Variants in ESRRG observed in about 807,000 individuals in gnomAD.
ESRRG encodes estrogen-related receptor gamma.
A neutral mutation model predicts 44.0 loss-of-function variants in ESRRG; 13 were observed. The observed-to-expected ratio is 0.30, with a 90% CI of 0.19 to 0.47. ESRRG has a LOEUF of 0.47. Among genes scored for constraint, ESRRG ranks in the 20% least tolerant of loss-of-function variants. ESRRG has a pLI of 1.00. For missense variants in ESRRG, 395 were observed against 580.6 expected (o/e 0.68, Z 3.29); for synonymous variants, 215 against 214.6 (o/e 1.00, Z -0.02).
chr1:217,058,428 A>T (rs1318127526), intron 1 of ESRRG, among the ~76,000 whole-genome samples: 2 of 152,138 alleles, frequency 1.3e-5, no homozygotes, highest in South Asian at 4.1e-4. Context: ...TGAGCTTCCG[A>T]TGATCAAAAT....
intron 1 of ESRRG, among the ~76,000 whole-genome samples, chr1:217,099,741 A>C (rs917634229): frequency 1.3e-5 from 2 of 152,164 alleles, no homozygotes; most frequent in African/African-American, 2.4e-5. Flanking sequence ...GATCCTCCCC[A>C]CAATTGTACA....
chr1:216,876,986 G>A (rs2096365569), intron 2 of ESRRG, among the ~76,000 whole-genome samples: 1 of 151,370 alleles, frequency 6.6e-6, no homozygotes, highest in South Asian at 2.1e-4. Flanking sequence ...ATGTGTGTGT[G>A]TGTGTGTGTG....
chr1:216,975,468 C>A (rs1463019985), intron 1 of ESRRG, among the ~76,000 whole-genome samples: 2 of 152,224 alleles, frequency 1.3e-5, no homozygotes, highest in Non-Finnish European at 2.9e-5. Context: ...GCCATAAATT[C>A]TTCTATCATG....
At chr1:216,518,331 A>T (rs1036175541) in intron 6 of ESRRG, among the ~76,000 whole-genome samples, 1 of 152,122 alleles carries the variant, frequency 6.6e-6, no homozygotes, top group East Asian at 1.9e-4. Flanking sequence ...TAAAGGGAAA[A>T]CTACTGGCCG....
intron 2 of ESRRG, among the ~76,000 whole-genome samples, chr1:216,933,381 C>T (rs2063646584): frequency 6.6e-6 from 1 of 152,074 alleles, no homozygotes; most frequent in Middle Eastern, 3.2e-3. Context: ...TCTAGCCCCA[C>T]CTCTATTCCC....
chr1:217,116,937 G>A (rs910657027), intron 1 of ESRRG, among the ~76,000 whole-genome samples: 2 of 152,152 alleles, frequency 1.3e-5, no homozygotes, highest in African/African-American at 4.8e-5. Context: ...AAATCAGTCA[G>A]CCTCATTAAG....
At position 217,088,817 on chromosome 1, in the gene ESRRG, C is replaced by G. The variant is rs574571863; in HGVS notation, c.-106+690G>C. 2.6e-4 allele frequency among the ~76,000 whole-genome samples: 40 copies of G among 152,072 alleles called. No individual in the cohort carries two copies. The East Asian group carries it at 7.0e-3, about 27-fold the overall frequency. ...GTGTCTTTCTGTCTCTGAGACTCTCCCATCACCAAACAAGGGGTGCAGGGG... is the reference window on the plus strand; with the variant it reads ...GTGTCTTTCTGTCTCTGAGACTCTCGCATCACCAAACAAGGGGTGCAGGGG... On this transcript the variant is annotated intron_variant, in intron 1 of 7. Transcript: ENST00000359162.
chr1:217,041,991 T>C (rs2083938460), intron 1 of ESRRG, among the ~76,000 whole-genome samples: 1 of 152,218 alleles, frequency 6.6e-6, no homozygotes, highest in Admixed American at 6.5e-5. Flanking sequence ...ATGAGTACCA[T>C]GTGAGGGCTC....
intron 1 of ESRRG, among the ~76,000 whole-genome samples, chr1:217,132,619 T>C (rs1172460728): frequency 2.0e-5 from 3 of 152,100 alleles, no homozygotes; most frequent in African/African-American, 7.2e-5. Flanking sequence ...CTTATAACCA[T>C]GATCTAAGGT....
chr1:217,005,345 A>T (rs897994781), intron 1 of ESRRG, among the ~76,000 whole-genome samples: 1 of 152,194 alleles, frequency 6.6e-6, no homozygotes, highest in Non-Finnish European at 1.5e-5. Context: ...AGTAAATTAC[A>T]TATTAAAACA....
At chr1:217,065,954 A>C (rs2089585206) in intron 1 of ESRRG, among the ~76,000 whole-genome samples, 3 of 152,128 alleles carry the variant, frequency 2.0e-5, no homozygotes, top group African/African-American at 7.2e-5. Flanking sequence ...TTCTATCAGG[A>C]GCTCACCATA....
intron 2 of ESRRG, among the ~76,000 whole-genome samples, chr1:216,824,789 G>A (rs2095362156): frequency 1.3e-5 from 2 of 152,196 alleles, no homozygotes; most frequent in South Asian, 4.1e-4. Flanking sequence ...TACCAAACTA[G>A]TGTCTTATTA....
At chr1:216,876,976 A>ATG (rs61039286) in intron 2 of ESRRG, among the ~76,000 whole-genome samples, 41,585 of 145,184 alleles carry the variant, frequency 0.29, 6,057 homozygotes, top group East Asian at 0.46. Flanking sequence ...CTCTTCACTA[A>ATG]TGTGTGTGTG....
intron 3 of ESRRG, among the ~76,000 whole-genome samples, chr1:216,578,355 A>C (rs1261600582): frequency 6.6e-6 from 1 of 152,084 alleles, no homozygotes. Flanking sequence ...TGTGTAAAAG[A>C]AGCCCCAAAT....
chr1:217,089,153 A>G (rs1250960377), intron 1 of ESRRG, among the ~76,000 whole-genome samples: 1 of 151,884 alleles, frequency 6.6e-6, no homozygotes, highest in African/African-American at 2.4e-5. Flanking sequence ...CCAGCGCCCT[A>G]ACTCTGCCCT....
At chr1:216,928,057 A>G (rs1046041646) in intron 2 of ESRRG, among the ~76,000 whole-genome samples, 31 of 152,206 alleles carry the variant, frequency 2.0e-4, no homozygotes, top group African/African-American at 7.5e-4. Context: ...TAGTCTAGTT[A>G]AAAAGAAGAA....
intron 1 of ESRRG, among the ~76,000 whole-genome samples, chr1:217,127,234 T>C (rs2092904167): frequency 1.3e-5 from 2 of 152,244 alleles, no homozygotes; most frequent in Non-Finnish European, 2.9e-5. Flanking sequence ...TGTGCCACAA[T>C]GTTCATTTTC....
intron 2 of ESRRG, among the ~76,000 whole-genome samples, chr1:216,729,149 G>C (rs1006993902): frequency 6.6e-6 from 1 of 152,148 alleles, no homozygotes; most frequent in East Asian, 1.9e-4. Context: ...TATAGAATTC[G>C]TATGGGGATT....
chr1:216,797,189 C>T (rs2094494214), intron 2 of ESRRG, among the ~76,000 whole-genome samples: 2 of 152,166 alleles, frequency 1.3e-5, no homozygotes, highest in Non-Finnish European at 2.9e-5. Flanking sequence ...CGTGCGCGGC[C>T]TCCTATTGTT....
Sources: allele counts gnomAD v4.1 joint callset (sites outside exome capture counted in the v4.1 genomes callset), GRCh38; gene constraint gnomAD v4.1.1; transcripts MANE v1.5; gene names NCBI Gene and HGNC (gene_info 2026-07-23, HGNC 2026-07-21).